The following NALF1 variants were observed in gnomAD, a reference collection of about 807,000 sequenced individuals.
NALF1 encodes family with sequence similarity 155 member A.
In NALF1, 3 loss-of-function variants were observed where a neutral mutation model predicts 48.4. The ratio of observed to expected loss-of-function variants is 0.06; its 90% CI spans 0.03 to 0.16. NALF1 has a LOEUF of 0.16. Ranked by LOEUF, NALF1 falls within the 10% of genes least tolerant of loss-of-function variation. The pLI, the probability that NALF1 is intolerant of heterozygous loss-of-function variation, is 1.00. For synonymous variants in NALF1, 262 were observed against 245.7 expected (o/e 1.07, Z -0.62); for missense variants, 526 against 571.5 (o/e 0.92, Z 0.81).
chr13:107,379,806 A>C (rs1883399932), intron 1 of NALF1, among the ~76,000 whole-genome samples: 1 of 152,220 alleles, frequency 6.6e-6, no homozygotes, highest in South Asian at 2.1e-4. Context: ...GCACATCTTA[A>C]GACAACTTAT....
intron 1 of NALF1, among the ~76,000 whole-genome samples, chr13:107,782,221 T>C (rs1343998425): frequency 6.6e-5 from 10 of 152,050 alleles, no homozygotes; most frequent in Admixed American, 6.5e-4. Flanking sequence ...GCCTGACTGG[T>C]TTTCGTATTT....
At chr13:107,181,673 A>AT (rs1044230132) in intron 2 of NALF1, among the ~76,000 whole-genome samples, 21 of 137,510 alleles carry the variant, frequency 1.5e-4, no homozygotes, top group Admixed American at 2.9e-4. Flanking sequence ...ATTTTAATGT[A>AT]TTTTTCCCTA....
intron 1 of NALF1, among the ~76,000 whole-genome samples, chr13:107,427,519 G>T (rs2139013901): frequency 6.6e-6 from 1 of 151,946 alleles, no homozygotes; most frequent in East Asian, 1.9e-4. Context: ...TAGAATATAG[G>T]TGTCTAAATT....
intron 1 of NALF1, among the ~76,000 whole-genome samples, chr13:107,517,881 G>A (rs1179055389): frequency 6.6e-6 from 1 of 151,978 alleles, no homozygotes; most frequent in Non-Finnish European, 1.5e-5. Flanking sequence ...CAACCCGGGA[G>A]GTGGACGTTT....
intron 1 of NALF1, among the ~76,000 whole-genome samples, chr13:107,814,534 G>T (rs796065514): frequency 4.6e-5 from 7 of 152,128 alleles, no homozygotes; most frequent in African/African-American, 1.4e-4. Flanking sequence ...TTGCTATACT[G>T]ATATGAGAAA....
chr13:107,818,871 C>CAAAAAAAAAAAAAAAAAAAA (rs774372636), intron 1 of NALF1, among the ~76,000 whole-genome samples: 1 of 73,816 alleles, frequency 1.4e-5, no homozygotes, highest in Non-Finnish European at 3.0e-5. Flanking sequence ...GACTCCGTCT[C>CAAAAAAAAAAAAAAAAAAAA]AAAAAAAAAA....
At chr13:107,749,572 T>C (rs1018800497) in intron 1 of NALF1, among the ~76,000 whole-genome samples, 10 of 151,952 alleles carry the variant, frequency 6.6e-5, no homozygotes, top group Admixed American at 3.9e-4. Flanking sequence ...TGAGATATTT[T>C]ACATACTATA....
intron 1 of NALF1, among the ~76,000 whole-genome samples, chr13:107,575,946 T>C (rs1878129248): frequency 6.7e-6 from 1 of 149,476 alleles, no homozygotes; most frequent in African/African-American, 2.4e-5. Flanking sequence ...TGTGTGTGTA[T>C]GTGTATGTGT....
intron 1 of NALF1, among the ~76,000 whole-genome samples, chr13:107,751,669 G>C (rs962599729): frequency 6.6e-6 from 1 of 152,010 alleles, no homozygotes; most frequent in Non-Finnish European, 1.5e-5. Flanking sequence ...AGATACTACT[G>C]TAAAATAATG....
At chr13:107,368,843 G>A (rs550104993) in intron 1 of NALF1, among the ~76,000 whole-genome samples, 14 of 152,242 alleles carry the variant, frequency 9.2e-5, no homozygotes, top group South Asian at 2.1e-4. Flanking sequence ...CACTATTCAC[G>A]CCTCTGTTCC....
In NALF1 at chr13:107,446,436, T is replaced by C. The variant is rs781061984; in HGVS notation, c.916-235681A>G. 2.8e-4 allele frequency among the ~76,000 whole-genome samples: 34 copies of C among 121,264 alleles called. 1 individual carries two copies. Among genetic ancestry groups the C allele is most frequent in the Middle Eastern group, 4.4e-3 (1 of 226 alleles). 79.6% of individuals were successfully genotyped at this position (121,264 alleles called of 152,430 possible). A position where few individuals can be genotyped will look rare whatever the true frequency, so the allele number is the denominator to read the frequency against. On this transcript the variant is annotated intron_variant, in intron 1 of 2. Transcript: ENST00000375915. ...ACACACACACACACACACACACACA[T>C]ATTTTTACTAAATTGGAATTACACC... is the stretch of plus-strand genomic sequence containing the variant.
At chr13:107,566,800 G>A (rs1042786893) in intron 1 of NALF1, among the ~76,000 whole-genome samples, 1 of 152,146 alleles carries the variant, frequency 6.6e-6, no homozygotes, top group Non-Finnish European at 1.5e-5. Flanking sequence ...GAACAGAGTG[G>A]ATTTGACATT....
At chr13:107,315,794 G>C (rs1410255191) in intron 1 of NALF1, among the ~76,000 whole-genome samples, 1 of 149,872 alleles carries the variant, frequency 6.7e-6, no homozygotes, top group Non-Finnish European at 1.5e-5. Flanking sequence ...TTTTGTGTTT[G>C]GCTTCTTTCT....
intron 1 of NALF1, among the ~76,000 whole-genome samples, chr13:107,787,573 C>T (rs1200534974): frequency 2.0e-5 from 3 of 152,142 alleles, no homozygotes. Flanking sequence ...ATTTCCGTGT[C>T]TTTTTCTGAC....
chr13:107,301,638 ATAAT>A (rs1305370704), intron 1 of NALF1, among the ~76,000 whole-genome samples: 1 of 152,188 alleles, frequency 6.6e-6, no homozygotes, highest in Admixed American at 6.5e-5. Context: ...ATACGTCTAC[ATAAT>A]TATTTATTAG....
At chr13:107,458,918 C>G (rs1884870720) in intron 1 of NALF1, among the ~76,000 whole-genome samples, 1 of 152,034 alleles carries the variant, frequency 6.6e-6, no homozygotes. Flanking sequence ...TGTTTCTATA[C>G]ACACCTTCAT....
intron 1 of NALF1, among the ~76,000 whole-genome samples, chr13:107,294,564 T>C (rs1881689038): frequency 6.6e-6 from 1 of 152,228 alleles, no homozygotes; most frequent in Admixed American, 6.5e-5. Context: ...TGCAAGATTC[T>C]CTTCTAAGCA....
At chr13:107,597,107 C>A (rs568330460) in intron 1 of NALF1, among the ~76,000 whole-genome samples, 1 of 152,072 alleles carries the variant, frequency 6.6e-6, no homozygotes, top group African/African-American at 2.4e-5. Flanking sequence ...GAGGGTGTTA[C>A]GTTTCATACA....
At chr13:107,829,452 T>A (rs572215763) in intron 1 of NALF1, among the ~76,000 whole-genome samples, 19 of 152,248 alleles carry the variant, frequency 1.2e-4, no homozygotes, top group African/African-American at 4.6e-4. Context: ...ACTCCCACAA[T>A]AGAAATGAAA....
Sources: allele counts gnomAD v4.1 joint callset (sites outside exome capture counted in the v4.1 genomes callset), GRCh38; gene constraint gnomAD v4.1.1; transcripts MANE v1.5; gene names NCBI Gene and HGNC (gene_info 2026-07-23, HGNC 2026-07-21).